Variants in EXT2 observed in about 807,000 individuals in gnomAD.
EXT2 encodes exostosin glycosyltransferase 2, also known as exostosin-2.
A neutral mutation model predicts 81.6 loss-of-function variants in EXT2; 53 were observed. The observed-to-expected ratio is 0.65, with a 90% CI of 0.52 to 0.82. The LOEUF is 0.82. Ranked by LOEUF, EXT2 falls within the 40% of genes least tolerant of loss-of-function variation. The probability of loss-of-function intolerance (pLI) is 0.00; values close to 1 mark genes in which losing one functional copy is unlikely to be tolerated. For missense variants in EXT2, 774 were observed against 910.2 expected, an observed-to-expected ratio of 0.85 and a Z score of 1.93; for synonymous variants, 320 against 340.0, an observed-to-expected ratio of 0.94 and a Z score of 0.65.
chr11:44,229,680 T>C (rs1395670436), intron 10 of EXT2, among the ~76,000 whole-genome samples: 1 of 152,244 alleles, frequency 6.6e-6, no homozygotes, highest in East Asian at 1.9e-4. Context: ...GACTGTGGTC[T>C]TCACACAGAA....
chr11:44,098,746 T>A (rs1203243583), intron 1 of EXT2, among the ~76,000 whole-genome samples: 1 of 148,198 alleles, frequency 6.7e-6, no homozygotes, highest in African/African-American at 2.5e-5. Flanking sequence ...GCTCTTTGGA[T>A]GTGTTTGCAT....
chr11:44,177,915 G>A (rs1206794666), intron 8 of EXT2, among the ~76,000 whole-genome samples: 1 of 152,174 alleles, frequency 6.6e-6, no homozygotes, highest in Admixed American at 6.5e-5. Context: ...ATAAGAATGA[G>A]GTTGAAAAAC....
intron 4 of EXT2, among the ~76,000 whole-genome samples, chr11:44,121,468 A>G (rs1000309960): frequency 6.6e-6 from 1 of 152,004 alleles, no homozygotes; most frequent in Non-Finnish European, 1.5e-5. Context: ...CTCTCTTTCC[A>G]TATTTGTAAC....
intron 1 of EXT2, among the ~76,000 whole-genome samples, chr11:44,101,944 T>A (rs1261833432): frequency 2.4e-4 from 32 of 131,120 alleles, no homozygotes; most frequent in African/African-American, 2.9e-4. Context: ...GTATAATCAG[T>A]AAAAAAAAAA....
chr11:44,096,299 G>A, intron 1 of EXT2: 2 of 1,536,000 alleles, frequency 1.3e-6, no homozygotes, highest in Non-Finnish European at 1.7e-6. Flanking sequence ...CATCCCTTGC[G>A]GTGCCAGAAG....
intron 3 of EXT2, among the ~76,000 whole-genome samples, chr11:44,112,582 C>T (rs1954160694): frequency 6.6e-6 from 1 of 152,086 alleles, no homozygotes; most frequent in South Asian, 2.1e-4. Context: ...AGATACAGTG[C>T]CTTAGAGTGC....
In EXT2 at chr11:44,247,154, C is replaced by T. The variant is rs540875635; in HGVS notation, c.*2867C>T. 6.6e-6 allele frequency among the ~76,000 whole-genome samples: 1 copy of T among 152,048 alleles called. No individual in the cohort carries two copies. Among genetic ancestry groups the T allele is most frequent in the East Asian group, 1.9e-4 (1 of 5,198 alleles). Reference sequence around the variant, plus strand: ...AACCCTCACACATTTAGGTATAAACCTCCTTTTCTGGGAGAATTAAAGAGA... The same window carrying T: ...AACCCTCACACATTTAGGTATAAACTTCCTTTTCTGGGAGAATTAAAGAGA... On this transcript the variant is annotated 3_prime_UTR_variant, in exon 14 of 14. Transcript: ENST00000533608.
chr11:44,236,170 T>C (rs1037819254), intron 12 of EXT2, 123 bp from the exon 13 acceptor site: 1 of 810,256 alleles, frequency 1.2e-6, no homozygotes, highest in East Asian at 2.5e-5. Flanking sequence ...TGTGTGTGTG[T>C]GTGTGTGCAC....
intron 3 of EXT2, among the ~76,000 whole-genome samples, chr11:44,109,584 TC>T (rs1475210071): frequency 1.3e-5 from 2 of 152,112 alleles, no homozygotes; most frequent in Non-Finnish European, 2.9e-5. Context: ...CTCTCTGAAT[TC>T]GGGAGCATTT....
intron 3 of EXT2, among the ~76,000 whole-genome samples, chr11:44,109,602 A>T (rs1405330457): frequency 6.6e-6 from 1 of 152,182 alleles, no homozygotes; most frequent in Non-Finnish European, 1.5e-5. Flanking sequence ...ATTTGCCACA[A>T]GTAGATGCAC....
intron 7 of EXT2, among the ~76,000 whole-genome samples, chr11:44,130,591 A>G (rs776021884): frequency 1.1e-4 from 17 of 152,010 alleles, no homozygotes; most frequent in Admixed American, 3.3e-4. Context: ...AACATTTGCC[A>G]TTTTCCTGCC....
At chr11:44,142,771 G>A (rs537014818) in intron 7 of EXT2, among the ~76,000 whole-genome samples, 1 of 152,310 alleles carries the variant, frequency 6.6e-6, no homozygotes, top group African/African-American at 2.4e-5. Flanking sequence ...ATACACTGAA[G>A]GGTCTGAGTA....
chr11:44,128,947 T>G (rs1954449612), intron 6 of EXT2, among the ~76,000 whole-genome samples: 1 of 152,242 alleles, frequency 6.6e-6, no homozygotes. Flanking sequence ...TCCGTCCTAA[T>G]GGACTAGCCT....
At chr11:44,184,393 T>G (rs775213791) in intron 8 of EXT2, among the ~76,000 whole-genome samples, 1 of 152,212 alleles carries the variant, frequency 6.6e-6, no homozygotes, top group Non-Finnish European at 1.5e-5. Flanking sequence ...TCTTTCCACG[T>G]GAGAACTACT....
chr11:44,096,693 C>T (rs1953903674), intron 1 of EXT2, among the ~76,000 whole-genome samples: 1 of 152,150 alleles, frequency 6.6e-6, no homozygotes, highest in Non-Finnish European at 1.5e-5. Context: ...GTGTTTGGGG[C>T]TTTGTTACAT....
intron 13 of EXT2, among the ~76,000 whole-genome samples, chr11:44,237,877 A>G (rs1198245409): frequency 2.0e-5 from 3 of 149,732 alleles, no homozygotes; most frequent in Non-Finnish European, 3.0e-5. Context: ...CAGGCTGACC[A>G]ACATGGTGAA....
At chr11:44,168,491 A>G (rs749968865) in intron 7 of EXT2, among the ~76,000 whole-genome samples, 3 of 152,236 alleles carry the variant, frequency 2.0e-5, no homozygotes, top group Non-Finnish European at 4.4e-5. Flanking sequence ...AAATTGAAGA[A>G]GCGCTACAAT....
intron 7 of EXT2, among the ~76,000 whole-genome samples, chr11:44,149,899 T>C (rs1289890779): frequency 2.0e-5 from 3 of 152,170 alleles, no homozygotes; most frequent in Non-Finnish European, 4.4e-5. Flanking sequence ...TGACTCATAG[T>C]TTTGGATGTA....
chr11:44,135,726 A>G (rs2135043912), intron 7 of EXT2, among the ~76,000 whole-genome samples: 1 of 152,366 alleles, frequency 6.6e-6, no homozygotes, highest in Admixed American at 6.5e-5. Context: ...AATGCTCAGC[A>G]TATTGAATGT....
Sources: gnomAD v4.1 joint callset for allele counts (sites outside exome capture counted in the v4.1 genomes callset) on GRCh38, gnomAD v4.1.1 for gene constraint, MANE v1.5 for transcripts, NCBI Gene and HGNC (gene_info 2026-07-23, HGNC 2026-07-21) for gene names.